Variants in PIGO observed in about 807,000 individuals in gnomAD.
PIGO encodes the protein phosphatidylinositol glycan anchor biosynthesis class O.
PIGO carries 66 observed loss-of-function variants against 86.9 expected under a neutral mutation model. The ratio of observed to expected loss-of-function variants is 0.76; its 90% CI spans 0.62 to 0.93. The LOEUF is 0.93. PIGO is among the 40% of genes least tolerant of loss of function. The pLI, the probability that PIGO is intolerant of heterozygous loss-of-function variation, is 0.00. For missense variants in PIGO, 1,202 were observed against 1,359.1 expected, an observed-to-expected ratio of 0.88 and a Z score of 1.82; for synonymous variants, 570 against 556.4, an observed-to-expected ratio of 1.02 and a Z score of -0.34.
Position 35,091,540 on chromosome 9 carries a change from A to G in PIGO, c.2347T>C (p.Phe783Leu), listed in dbSNP as rs1314015092. 1 of 1,614,028 alleles carries G rather than the reference A, an allele frequency of 6.2e-7. No individual in the cohort carries two copies. Among genetic ancestry groups the G allele is most frequent in the African/African-American group, 1.3e-5 (1 of 74,926 alleles). Residue 783 changes from phenylalanine (F) to leucine (L), a missense_variant, in exon 7 of 11, where the codon TTC (phenylalanine) becomes CTC (leucine). Phe to Leu is a conservative substitution (Grantham distance 22, BLOSUM62 0). Transcript: ENST00000378617. ...GCTTGAGAAGTGGGGGGGCCTGAGAAGGGAGTGAGGACAGTCCTGGTCCTT... is the reference window on the plus strand; with the variant it reads ...GCTTGAGAAGTGGGGGGGCCTGAGAGGGGAGTGAGGACAGTCCTGGTCCTT... ...APRTRTVLTP[F>L]SGPPTSQADL... is the part of the protein sequence containing the mutation.
rs1413916804 is a variant in PIGO, at chr9:35,091,232, A to G, written c.2647+8T>C. 2.5e-6 allele frequency: 4 copies of G among 1,576,330 alleles called. No individual in the cohort carries two copies. The highest frequency in any genetic ancestry group is 2.6e-6 in the Non-Finnish European group (3 of 1,161,154). On this transcript the variant is annotated splice_region_variant and intron_variant, in intron 7 of 10. Transcript: ENST00000378617. Reference sequence around the variant, plus strand: ...TGTCTTTAAGTGAATCAGAGCTGAGATATTTACCAGGGGTGGTGACGGGTA... The same window carrying G: ...TGTCTTTAAGTGAATCAGAGCTGAGGTATTTACCAGGGGTGGTGACGGGTA...
intron 7 of PIGO, 88 bp from the exon 8 acceptor site, chr9:35,090,760 C>A: frequency 7.8e-7 from 1 of 1,286,658 alleles, no homozygotes; most frequent in South Asian, 1.4e-5. Context: ...CCTACTACTT[C>A]AGTATCAATT....
At position 35,092,215 on chromosome 9, in the gene PIGO, C is replaced by T; in HGVS notation, c.1672G>A (p.Ala558Thr). The T allele has an allele frequency of 6.2e-7, 1 of 1,614,222 alleles. No homozygotes were observed. Among genetic ancestry groups the T allele is most frequent in the South Asian group, 1.1e-5 (1 of 91,082 alleles). ...PVLLLLLFRL[A>T]VFFSDSFVVA... The stretch of plus-strand genomic sequence containing the variant: ...ACAAAACTATCAGAGAAGAACACAG[C>T]CAAGCGAAACAGCAGGAGTAACAGG... Residue 558 changes from alanine to threonine, a missense_variant, in exon 7 of 11, where the codon GCT (alanine) becomes ACT (threonine). Ala to Thr is a moderately conservative substitution (Grantham distance 58, BLOSUM62 0). Coordinates refer to ENST00000378617, the MANE Select transcript of PIGO (RefSeq NM_032634.4).
Position 35,091,885 on chromosome 9 carries a change from A to C in PIGO, c.2002T>G (p.Leu668Val), listed in dbSNP as rs1382306278. ...GCCGCCACACAAGCTCCATACCACA[A>C]ATTCTTGGCTCGACCACCCACCATG... The part of the protein sequence containing the change: ...ASMVGGRAKN[L>V]WYGACVAALV... The change falls in exon 7 of 11, where the codon TTG (leucine) becomes GTG (valine). Residue 668 changes from leucine (L) to valine (V), a missense_variant. By Grantham distance (32) the Leu-to-Val change is conservative. Transcript: ENST00000378617. 8.1e-6 allele frequency: 13 copies of C among 1,614,090 alleles called. No individual in the cohort carries two copies. The East Asian group carries it at 2.9e-4, about 36-fold the overall frequency.
rs771759492 is a variant in PIGO at position 35,090,254 on chromosome 9, G to T, written c.2881C>A (p.Pro961Thr). 1 of 1,614,118 alleles carries T rather than the reference G, an allele frequency of 6.2e-7. No homozygotes were observed. The highest frequency in any genetic ancestry group is 1.1e-5 in the South Asian group (1 of 91,082). Reference protein sequence around the residue: ...AVGCPLLLLWPFLCESQGLRK... With the variant: ...AVGCPLLLLWTFLCESQGLRK... ...AGCCCTTGACTCTCACACAGGAAAG[G>T]CCAGAGCAGGAGCAGTGGGCAACCT... Residue 961 changes from proline to threonine, a missense_variant, in exon 9 of 11, where the codon CCT becomes ACT. By Grantham distance (38) the Pro-to-Thr change is conservative. Transcript: ENST00000378617.
intron 3 of PIGO, 47 bp from the exon 4 acceptor site, chr9:35,094,071 C>T: frequency 6.3e-7 from 1 of 1,593,826 alleles, no homozygotes. Context: ...ACCCACTCCT[C>T]AACCCCAGCC....
intron 5 of PIGO, 66 bp from the exon 6 acceptor site, chr9:35,093,275 A>C (rs1254563358): frequency 1.3e-6 from 2 of 1,578,880 alleles, no homozygotes; most frequent in Non-Finnish European, 1.7e-6. Flanking sequence ...GGGATGGCAG[A>C]CATAGGGGCC....
chr9:35,089,283 G>A (rs758840627), intron 10 of PIGO, 62 bp from the exon 11 acceptor site: 3 of 1,613,516 alleles, frequency 1.9e-6, no homozygotes, highest in Non-Finnish European at 2.5e-6. Flanking sequence ...TCCCTGTAGA[G>A]GCAAAACCTT....
intron 2 of PIGO, among the ~76,000 whole-genome samples, chr9:35,094,683 T>C (rs145771702): frequency 1.3e-5 from 2 of 152,366 alleles, no homozygotes; most frequent in Admixed American, 1.3e-4. Flanking sequence ...CCTGTATTTC[T>C]CTGCTTTCTT....
intron 7 of PIGO, 24 bp from the exon 8 acceptor site, chr9:35,090,696 TAC>T: frequency 6.2e-7 from 1 of 1,607,578 alleles, no homozygotes; most frequent in Non-Finnish European, 8.5e-7. Context: ...TATGCCACGT[TAC>T]AGTCACTTCT....
rs780211373 is a variant in PIGO, at chr9:35,092,321, G to A, written c.1566C>T (p.Phe522=). 2 of 1,614,218 alleles carry A rather than the reference G, an allele frequency of 1.2e-6. No individual in the cohort carries two copies. Among genetic ancestry groups the A allele is most frequent in the South Asian group, 2.2e-5 (2 of 91,086 alleles). Residue 522 remains phenylalanine, a synonymous_variant, in exon 7 of 11, where the codon TTC becomes TTT. Coordinates refer to ENST00000378617, the MANE Select transcript of PIGO (RefSeq NM_032634.4). ...CCCAGGCTTTCCACAGAAAAGGGAG[G>A]AATGAGCTCACTGCAGCCACAGCCC... ...LLGAVAAVSS[F]LPFLWKAWAG...
intron 1 of PIGO, 58 bp from the exon 2 acceptor site, chr9:35,095,624 T>C: frequency 6.9e-7 from 1 of 1,444,382 alleles, no homozygotes. Flanking sequence ...GTGGATATTC[T>C]GGTCCCTGAA....
At chr9:35,095,024 ACTT>A in intron 2 of PIGO, 28 bp downstream of exon 2, 1 of 1,539,660 alleles carries the variant, frequency 6.5e-7, no homozygotes, top group Non-Finnish European at 8.7e-7. Context: ...TTGCCAAGGT[ACTT>A]CTGGCCTTCA....
chr9:35,092,602 G>A lies in PIGO; in HGVS notation c.1285C>T (p.Gln429Ter), dbSNP rs764159748. 1 of 1,614,138 alleles carries A rather than the reference G, an allele frequency of 6.2e-7. No individual in the cohort carries two copies. The highest frequency in any genetic ancestry group is 1.3e-5 in the African/African-American group (1 of 74,948). Reference protein sequence around the residue: ...ATLPTVIAELQQFLRGARAMC... With the variant: ...ATLPTVIAEL ...GCCCGAGCTCCCCGCAGGAACTGCTGCAGCTCAGCAATCACAGTCGGCAGT... is the reference window on the plus strand; with the variant it reads ...GCCCGAGCTCCCCGCAGGAACTGCTACAGCTCAGCAATCACAGTCGGCAGT... Residue 429 changes from glutamine to a stop codon, truncating the protein, a stop_gained, in exon 7 of 11, where the codon CAG becomes TAG. Coordinates refer to ENST00000378617, the MANE Select transcript of PIGO (RefSeq NM_032634.4). LOFTEE classifies it high-confidence loss of function.
chr9:35,093,039 A>T lies in PIGO; in HGVS notation c.1110T>A (p.Asn370Lys), dbSNP rs763161700. 1.2e-6 allele frequency: 2 copies of T among 1,606,748 alleles called. No homozygotes were observed. Among genetic ancestry groups the T allele is most frequent in the Admixed American group, 3.3e-5 (2 of 59,792 alleles). ...CAGCCCGCTTACCTACCTGCTGAGC[A>T]TTGAGATGGAGAGCTGAGGCTTGGG... Reference protein sequence around the residue: ...ALAQASALHLNAQQVSRFLHT... With the variant: ...ALAQASALHLKAQQVSRFLHT... The change falls in exon 6 of 11, where the codon AAT becomes AAA. Residue 370 changes from asparagine to lysine, a missense_variant. Physicochemically the swap from Asn to Lys is moderately conservative, Grantham distance 94. Transcript: ENST00000378617.
rs1829351915 is a variant in PIGO at position 35,090,210 on chromosome 9, G to T, written c.2925C>A (p.Pro975=). The stretch of plus-strand genomic sequence containing the variant: ...CTCTGGCATCAGCTTCATTCCCTGG[G>T]GGCTGCTGTCTCTTCCGCAGCCCTT... The part of the protein sequence containing the change: ...ESQGLRKRQQ[P]PGNEADARVR... The change falls in exon 9 of 11, where the codon CCC becomes CCA. Residue 975 remains proline, a synonymous_variant. Coordinates refer to ENST00000378617, the MANE Select transcript of PIGO (RefSeq NM_032634.4). 3 of 1,614,164 alleles carry T rather than the reference G, an allele frequency of 1.9e-6. No individual in the cohort carries two copies. The highest frequency in any genetic ancestry group is 2.7e-5 in the African/African-American group (2 of 75,038).
chr9:35,092,039 G>A lies in PIGO; in HGVS notation c.1848C>T (p.His616=), dbSNP rs1348048933. Residue 616 remains histidine, a synonymous_variant, in exon 7 of 11, where the codon CAC becomes CAT. Transcript: ENST00000378617. ...GTSATTNPPR[H]NGAYALRLGI... ...CAAGCCTCAGGGCATATGCACCATT[G>A]TGCCGTGGGGGGTTTGTTGTGGCTG... The A allele has an allele frequency of 6.2e-7, 1 of 1,614,256 alleles. No individual in the cohort carries two copies. Among genetic ancestry groups the A allele is most frequent in the South Asian group, 1.1e-5 (1 of 91,084 alleles).
In PIGO at chr9:35,091,321, T is replaced by G; in HGVS notation, c.2566A>C (p.Ser856Arg). Residue 856 changes from serine (S) to arginine (R), a missense_variant, in exon 7 of 11, where the codon AGC becomes CGC. Transcript: ENST00000378617. The stretch of plus-strand genomic sequence containing the variant: ...AGAAACAGAAGCAGGAACACAAGGC[T>G]GATGCGCTCCGCATGCAACAGCAGA... ...PLLLLHAERI[S>R]LVFLLLFLQS... 1 of 1,614,140 alleles carries G rather than the reference T, an allele frequency of 6.2e-7. No individual in the cohort carries two copies. The highest frequency in any genetic ancestry group is 8.5e-7 in the Non-Finnish European group (1 of 1,180,010).
In PIGO at chr9:35,095,181, T is replaced by C. The variant is rs1400441431; in HGVS notation, c.385A>G (p.Thr129Ala). ...GCCTTGAGGCGCTGCATGGTGGTGG[T>C]AGGAGGGTCAACCTGAGATCGGTAG... ...RLYRSQVDPP[T>A]TTMQRLKALT... The change falls in exon 2 of 11, where the codon ACC becomes GCC. Residue 129 changes from threonine (T) to alanine (A), a missense_variant. Transcript: ENST00000378617. 2 of 1,614,026 alleles carry C rather than the reference T, an allele frequency of 1.2e-6. No homozygotes were observed. Among genetic ancestry groups the C allele is most frequent in the East Asian group, 2.2e-5 (1 of 44,880 alleles).
Sources: allele counts gnomAD v4.1 joint callset (sites outside exome capture counted in the v4.1 genomes callset), GRCh38; gene constraint gnomAD v4.1.1; transcripts MANE v1.5; gene names NCBI Gene and HGNC (gene_info 2026-07-23, HGNC 2026-07-21).